The following SDK1 variants were observed in gnomAD, a reference collection of about 807,000 sequenced individuals.
SDK1 encodes sidekick cell adhesion molecule 1.
SDK1 carries 157 observed loss-of-function variants against 245.5 expected under a neutral mutation model. That is an observed-to-expected ratio of 0.64 (90% CI 0.56 to 0.73). SDK1 has a LOEUF of 0.73. SDK1 is among the 30% of genes least tolerant of loss of function. The probability of loss-of-function intolerance (pLI) is 0.00; values close to 1 mark genes in which losing one functional copy is unlikely to be tolerated. For synonymous variants in SDK1, 1,647 were observed against 1,278.5 expected (o/e 1.29, Z -6.15); for missense variants, 3,583 against 3,002.3 (o/e 1.19, Z -4.52).
At chr7:3,560,081 T>TACA (rs1779700926) in intron 1 of SDK1, among the ~76,000 whole-genome samples, 2 of 152,362 alleles carry the variant, frequency 1.3e-5, no homozygotes, top group South Asian at 2.1e-4. Flanking sequence ...TGTTTTATCT[T>TACA]AATAACCCAT....
At chr7:3,908,350 C>G (rs1349812641) in intron 5 of SDK1, among the ~76,000 whole-genome samples, 2 of 152,164 alleles carry the variant, frequency 1.3e-5, no homozygotes, top group East Asian at 3.9e-4. Context: ...GACGCCAGAT[C>G]CAGGAGACGA....
At chr7:3,567,246 C>T (rs966734513) in intron 1 of SDK1, among the ~76,000 whole-genome samples, 9 of 152,170 alleles carry the variant, frequency 5.9e-5, no homozygotes, top group African/African-American at 1.4e-4. Context: ...TTTGCAACCT[C>T]GACAGGTATT....
intron 32 of SDK1, among the ~76,000 whole-genome samples, chr7:4,163,707 G>A (rs1199281761): frequency 6.6e-6 from 1 of 152,168 alleles, no homozygotes; most frequent in Non-Finnish European, 1.5e-5. Context: ...GCCTTCCTGG[G>A]CATGGTCTTG....
intron 20 of SDK1, among the ~76,000 whole-genome samples, chr7:4,070,466 C>A (rs746112590): frequency 1.1e-4 from 16 of 152,200 alleles, no homozygotes; most frequent in Non-Finnish European, 1.8e-4. Flanking sequence ...TCCTGTGCAT[C>A]CCTGCAGTGC....
chr7:3,619,136 G>A lies in SDK1; in HGVS notation c.355G>A (p.Gly119Arg), dbSNP rs746374852. ...AGGCCTACCACAGATCCACCTGGAA[G>A]GGAACCGCCTTGTTCTCACCTGCCT... is the stretch of plus-strand genomic sequence containing the variant. ...EPGLPQIHLE[G>R]NRLVLTCLAE... Residue 119 changes from glycine to arginine, a missense_variant, in exon 2 of 45, where the codon GGG (glycine) becomes AGG (arginine). By Grantham distance (125) the Gly-to-Arg change is moderately radical. Coordinates refer to ENST00000404826, the MANE Select transcript of SDK1 (RefSeq NM_152744.4). 1.2e-6 allele frequency: 2 copies of A among 1,613,718 alleles called. No homozygotes were observed. The highest frequency in any genetic ancestry group is 1.7e-6 in the Non-Finnish European group (2 of 1,179,796).
intron 20 of SDK1, among the ~76,000 whole-genome samples, chr7:4,073,235 G>A (rs941214840): frequency 2.0e-5 from 3 of 152,014 alleles, no homozygotes; most frequent in Non-Finnish European, 2.9e-5. Flanking sequence ...AGCCCTCCAC[G>A]CACCTCCCCC....
chr7:3,718,833 G>C (rs76832719), intron 4 of SDK1, among the ~76,000 whole-genome samples: 4,897 of 152,146 alleles, frequency 0.032, 267 homozygotes, highest in African/African-American at 0.11. Flanking sequence ...AGGAATAAAA[G>C]TGTTCTTATT....
At chr7:3,950,746 A>C (rs765540336) in intron 5 of SDK1, among the ~76,000 whole-genome samples, 177 bp from the exon 6 acceptor site, 2 of 152,178 alleles carry the variant, frequency 1.3e-5, no homozygotes, top group Non-Finnish European at 1.5e-5. Flanking sequence ...ACCATCATAA[A>C]GTTGAAAAGC....
chr7:3,489,714 T>C (rs1374565247), intron 1 of SDK1, among the ~76,000 whole-genome samples: 1 of 152,222 alleles, frequency 6.6e-6, no homozygotes, highest in Admixed American at 6.5e-5. Flanking sequence ...AAGTAGCTTT[T>C]CTTAAGGCAA....
intron 4 of SDK1, among the ~76,000 whole-genome samples, chr7:3,646,222 T>G (rs922607021): frequency 6.6e-6 from 1 of 152,192 alleles, no homozygotes; most frequent in South Asian, 2.1e-4. Flanking sequence ...CTTTGTCATG[T>G]GGTGAAAGCA....
intron 5 of SDK1, among the ~76,000 whole-genome samples, chr7:3,830,397 T>G (rs1481748053): frequency 6.6e-6 from 1 of 152,232 alleles, no homozygotes; most frequent in East Asian, 1.9e-4. Flanking sequence ...CCTTGTTAAA[T>G]GTCTCAATTT....
chr7:3,960,971 GA>G (rs900907807), intron 8 of SDK1, among the ~76,000 whole-genome samples: 12 of 152,300 alleles, frequency 7.9e-5, no homozygotes, highest in African/African-American at 2.9e-4. Context: ...CCCCAAAATA[GA>G]AATACTCCCA....
intron 4 of SDK1, among the ~76,000 whole-genome samples, chr7:3,648,105 G>C (rs1010089778): frequency 1.3e-5 from 2 of 152,104 alleles, no homozygotes; most frequent in African/African-American, 4.8e-5. Context: ...GCTTAGCTTT[G>C]TCATATAAAT....
At chr7:3,674,150 T>G (rs75793132) in intron 4 of SDK1, among the ~76,000 whole-genome samples, 2,226 of 152,270 alleles carry the variant, frequency 0.015, 27 homozygotes, top group Non-Finnish European at 0.021. Flanking sequence ...ACTGAAATTG[T>G]GAGTCAAGAG....
chr7:3,583,294 G>C (rs1016298527), intron 1 of SDK1, among the ~76,000 whole-genome samples: 1 of 152,202 alleles, frequency 6.6e-6, no homozygotes, highest in Non-Finnish European at 1.5e-5. Flanking sequence ...TGCTTTCTTA[G>C]TAAACAAATT....
chr7:3,770,853 G>A (rs997436442), intron 4 of SDK1, among the ~76,000 whole-genome samples: 1 of 152,188 alleles, frequency 6.6e-6, no homozygotes. Flanking sequence ...TAGGGGTTAG[G>A]AGTTACGAGG....
chr7:4,000,482 C>T (rs755377669), intron 14 of SDK1, among the ~76,000 whole-genome samples: 1 of 152,136 alleles, frequency 6.6e-6, no homozygotes, highest in Non-Finnish European at 1.5e-5. Flanking sequence ...GGTTCTTCCT[C>T]CACAAAGAGA....
chr7:3,676,445 C>G (rs1293402858), intron 4 of SDK1, among the ~76,000 whole-genome samples: 1 of 151,874 alleles, frequency 6.6e-6, no homozygotes, highest in Admixed American at 6.6e-5. Flanking sequence ...CCTGCCTCAG[C>G]TTCCCAAGTA....
intron 1 of SDK1, among the ~76,000 whole-genome samples, chr7:3,326,909 A>G (rs961366216): frequency 1.3e-5 from 2 of 152,110 alleles, no homozygotes; most frequent in African/African-American, 2.4e-5. Context: ...TTTTTTAAAT[A>G]TACTTACTGG....
Sources: gnomAD v4.1 joint callset for allele counts (sites outside exome capture counted in the v4.1 genomes callset) on GRCh38, gnomAD v4.1.1 for gene constraint, MANE v1.5 for transcripts, NCBI Gene and HGNC (gene_info 2026-07-23, HGNC 2026-07-21) for gene names.